DIAPH2: variants seen among roughly 807,000 people sequenced by gnomAD.
The protein encoded by DIAPH2 is diaphanous related formin 2, also known as protein diaphanous homolog 2.
Under a neutral mutation model 92.7 loss-of-function variants are expected in DIAPH2, and 35 were observed. That is an observed-to-expected ratio of 0.38 (90% CI 0.29 to 0.50). DIAPH2 has a LOEUF of 0.50. DIAPH2 is among the 20% of genes least tolerant of loss of function. The pLI is 0.94. For synonymous variants in DIAPH2, 301 were observed against 280.4 expected, an observed-to-expected ratio of 1.07 and a Z score of -0.73; for missense variants, 701 against 819.5, an observed-to-expected ratio of 0.86 and a Z score of 1.77.
Position 97,040,483 on chromosome X carries a change from G to A in DIAPH2, c.2051-32458G>A, listed in dbSNP as rs1283789861. ...ATTGAATATACTTTGAATTTCACGT[G>A]TATCTCTGCTCTATTAGTCTGTATT... On this transcript the variant is annotated intron_variant, in intron 17 of 26. Coordinates refer to ENST00000324765, the MANE Select transcript of DIAPH2 (RefSeq NM_006729.5). 4.5e-5 allele frequency among the ~76,000 whole-genome samples: 5 copies of A among 110,816 alleles called. No homozygotes were observed. In the East Asian group the frequency reaches 1.1e-3, roughly 25 times the overall value.
chrX:97,011,377 G>T (rs1219018218), intron 17 of DIAPH2, among the ~76,000 whole-genome samples: 1 of 111,604 alleles, frequency 9.0e-6, no homozygotes, highest in Non-Finnish European at 1.9e-5. Context: ...TTCTGTTTGG[G>T]CTGGGCTAAG....
chrX:97,148,683 G>A (rs755694648), intron 22 of DIAPH2, among the ~76,000 whole-genome samples: 21 of 111,149 alleles, frequency 1.9e-4, no homozygotes, highest in African/African-American at 3.9e-4. Context: ...AGGTAGAAGT[G>A]CTTAATAAAT....
intron 26 of DIAPH2, among the ~76,000 whole-genome samples, chrX:97,464,958 C>G (rs997671495): frequency 1.8e-5 from 2 of 111,214 alleles, no homozygotes; most frequent in African/African-American, 6.6e-5. Flanking sequence ...AAGCAATTCT[C>G]CTGCCTCAGC....
chrX:97,209,875 C>CT lies in DIAPH2; in HGVS notation c.2720-37832dup, dbSNP rs747636650. ...TTAATGATTTTAACGGAAATCACTT[C>CT]TTTTTTTTATATTTATAAGCATTTA... On this transcript the variant is annotated intron_variant, in intron 22 of 26. Transcript: ENST00000324765. 5.5e-3 allele frequency among the ~76,000 whole-genome samples: 606 copies of CT among 110,464 alleles called. 2 individuals are homozygous for CT. The highest frequency in any genetic ancestry group is 0.019 in the African/African-American group (566 of 30,548).
intron 26 of DIAPH2, among the ~76,000 whole-genome samples, chrX:97,489,999 T>C (rs985804060): frequency 8.9e-6 from 1 of 111,852 alleles, no homozygotes; most frequent in South Asian, 3.7e-4. Context: ...GGGTTAATTC[T>C]TCATTAAATA....
chrX:96,873,647 TACACACACACAC>T (rs3082738), intron 4 of DIAPH2, among the ~76,000 whole-genome samples: 9 of 95,898 alleles, frequency 9.4e-5, no homozygotes, highest in South Asian at 5.1e-4. Flanking sequence ...CGTATATATA[TACACACACACAC>T]ACACACACAC....
intron 4 of DIAPH2, among the ~76,000 whole-genome samples, chrX:96,859,610 CTTATTTATTTATTTATTTATTTAT>C (rs35571904): frequency 3.2e-5 from 3 of 94,434 alleles, no homozygotes; most frequent in Non-Finnish European, 6.3e-5. Context: ...ATAATAGATT[CTTATTTATTTATTTATTTATTTAT>C]TTATTTATTT....
At chrX:97,562,448 G>A (rs2071300489) in intron 26 of DIAPH2, among the ~76,000 whole-genome samples, 1 of 110,466 alleles carries the variant, frequency 9.1e-6, no homozygotes, top group Non-Finnish European at 1.9e-5. Flanking sequence ...GGAGGTTGCA[G>A]TGAACCGAGA....
chrX:96,871,580 G>A (rs1345234377), intron 4 of DIAPH2, among the ~76,000 whole-genome samples: 1 of 109,970 alleles, frequency 9.1e-6, no homozygotes, highest in Non-Finnish European at 1.9e-5. Context: ...GCTACTAGAA[G>A]GGTTCTTACT....
At chrX:97,129,142 T>TTTTCTTTTC (rs2067117241) in intron 21 of DIAPH2, among the ~76,000 whole-genome samples, 3 of 64,657 alleles carry the variant, frequency 4.6e-5, no homozygotes, top group Non-Finnish European at 8.9e-5. Context: ...TTTTCTTTTC[T>TTTTCTTTTC]TTTCTTTCTT....
At chrX:97,352,964 A>AATTCCATG (rs1775079524) in intron 24 of DIAPH2, among the ~76,000 whole-genome samples, 1 of 108,911 alleles carries the variant, frequency 9.2e-6, no homozygotes, top group African/African-American at 3.3e-5. Context: ...AAGAAAATCA[A>AATTCCATG]ATTCCATGAT....
chrX:97,254,718 TTTTA>T (rs1188539818), intron 23 of DIAPH2, among the ~76,000 whole-genome samples: 4 of 108,043 alleles, frequency 3.7e-5, no homozygotes, highest in African/African-American at 1.4e-4. Flanking sequence ...TTTTATTTTA[TTTTA>T]TTTATTTTAT....
intron 22 of DIAPH2, among the ~76,000 whole-genome samples, chrX:97,242,781 T>TTTTA (rs1050133443): frequency 3.6e-5 from 4 of 109,956 alleles, no homozygotes; most frequent in Non-Finnish European, 7.6e-5. Flanking sequence ...TTTTATTTTA[T>TTTTA]TTTATTTATT....
At chrX:97,444,126 A>G (rs1183038066) in intron 26 of DIAPH2, among the ~76,000 whole-genome samples, 1 of 111,318 alleles carries the variant, frequency 9.0e-6, no homozygotes, top group African/African-American at 3.3e-5. Flanking sequence ...TGTTATAAGG[A>G]TTTGATCTGT....
At chrX:96,873,502 A>T (rs928917454) in intron 4 of DIAPH2, among the ~76,000 whole-genome samples, 13 of 109,616 alleles carry the variant, frequency 1.2e-4, no homozygotes, top group African/African-American at 4.3e-4. Context: ...GCTGGGGTGG[A>T]GGGTTGTGGG....
chrX:97,586,978 A>G (rs998990807), intron 26 of DIAPH2, among the ~76,000 whole-genome samples: 1 of 112,397 alleles, frequency 8.9e-6, no homozygotes, highest in Non-Finnish European at 1.9e-5. Flanking sequence ...GAAAGCCTTA[A>G]TACATTTCCA....
intron 23 of DIAPH2, among the ~76,000 whole-genome samples, chrX:97,311,784 T>C (rs1327010276): frequency 9.0e-6 from 1 of 111,005 alleles, no homozygotes. Flanking sequence ...CAGTCTAGTC[T>C]CCAGGAAAGA....
intron 4 of DIAPH2, among the ~76,000 whole-genome samples, chrX:96,830,395 C>A (rs1484175754): frequency 9.3e-6 from 1 of 107,785 alleles, no homozygotes; most frequent in Non-Finnish European, 1.9e-5. Context: ...CATGGTGAAA[C>A]CCCGTCTCTA....
At chrX:97,491,942 A>G (rs903721972) in intron 26 of DIAPH2, among the ~76,000 whole-genome samples, 19 of 111,591 alleles carry the variant, frequency 1.7e-4, no homozygotes. Context: ...CAGCAGTTCT[A>G]TATTAAGCTG....
Sources: allele counts gnomAD v4.1 joint callset (sites outside exome capture counted in the v4.1 genomes callset), GRCh38; gene constraint gnomAD v4.1.1; transcripts MANE v1.5; gene names NCBI Gene and HGNC (gene_info 2026-07-23, HGNC 2026-07-21).